HDAC9: variants seen among roughly 807,000 people sequenced by gnomAD.
HDAC9 encodes the protein histone deacetylase 9, also known as MEF-2 interacting transcription repressor (MITR) protein.
In HDAC9, 41 loss-of-function variants were observed where a neutral mutation model predicts 139.4. The observed-to-expected ratio is 0.29, with a 90% CI of 0.23 to 0.38. HDAC9 has a LOEUF of 0.38. Among genes scored for constraint, HDAC9 ranks in the 10% least tolerant of loss-of-function variants. The pLI is 1.00. For synonymous variants in HDAC9, 517 were observed against 476.2 expected (o/e 1.09, Z -1.12); for missense variants, 1,147 against 1,297.0 (o/e 0.88, Z 1.78).
At chr7:18,882,127 A>AT (rs1799785206) in intron 22 of HDAC9, among the ~76,000 whole-genome samples, 1 of 152,060 alleles carries the variant, frequency 6.6e-6, no homozygotes, top group Non-Finnish European at 1.5e-5. Context: ...AGAATCCATG[A>AT]TTTTTTTAAA....
chr7:18,970,800 G>A (rs766973714), intron 24 of HDAC9, among the ~76,000 whole-genome samples: 3 of 125,166 alleles, frequency 2.4e-5, no homozygotes, highest in Non-Finnish European at 5.1e-5. Context: ...TCATTCAAAT[G>A]GAAAAAAGGT....
At chr7:18,956,873 C>T (rs970480091) in intron 24 of HDAC9, among the ~76,000 whole-genome samples, 2 of 152,072 alleles carry the variant, frequency 1.3e-5, no homozygotes, top group Non-Finnish European at 2.9e-5. Flanking sequence ...TCACATAGGT[C>T]CTACACATAG....
At chr7:18,347,106 G>A (rs1251804756) in intron 1 of HDAC9, among the ~76,000 whole-genome samples, 2 of 152,066 alleles carry the variant, frequency 1.3e-5, no homozygotes, top group Admixed American at 6.6e-5. Context: ...ACTCTTTTTA[G>A]AACACAATAC....
At chr7:18,963,445 C>T (rs1053744203) in intron 24 of HDAC9, among the ~76,000 whole-genome samples, 1 of 152,084 alleles carries the variant, frequency 6.6e-6, no homozygotes, top group Admixed American at 6.6e-5. Flanking sequence ...TACATAAATA[C>T]ATACATATTT....
At chr7:18,769,338 G>A (rs923089619) in intron 16 of HDAC9, among the ~76,000 whole-genome samples, 7 of 152,136 alleles carry the variant, frequency 4.6e-5, no homozygotes, top group African/African-American at 1.7e-4. Context: ...CTCTGGACCA[G>A]TATATCAAAC....
At chr7:18,511,250 T>G (rs561477866) in intron 2 of HDAC9, among the ~76,000 whole-genome samples, 1 of 152,340 alleles carries the variant, frequency 6.6e-6, no homozygotes, top group East Asian at 1.9e-4. Context: ...ATACCCGTAG[T>G]ACCCCTAGTC....
At chr7:18,087,355 C>T (rs1220653019) in intron 1 of HDAC9, 41 of 152,160 alleles carry the variant, frequency 2.7e-4, no homozygotes, top group Admixed American at 2.6e-3. Flanking sequence ...ACTCTGATGC[C>T]ACTTGCCTTG....
chr7:18,745,885 T>TC (rs201044923), intron 13 of HDAC9, among the ~76,000 whole-genome samples: 9,699 of 108,326 alleles, frequency 0.09, 362 homozygotes, highest in East Asian at 0.27. Context: ...TTCTTCTTCT[T>TC]TTTTTTTTTT....
At chr7:18,971,443 T>G (rs968157776) in intron 24 of HDAC9, among the ~76,000 whole-genome samples, 5 of 152,224 alleles carry the variant, frequency 3.3e-5, no homozygotes, top group African/African-American at 1.2e-4. Flanking sequence ...AGTCAACCTT[T>G]GTTCATTTCT....
At chr7:18,327,803 G>T (rs1229162411) in intron 1 of HDAC9, 1 of 151,758 alleles carries the variant, frequency 6.6e-6, no homozygotes, top group Non-Finnish European at 1.5e-5. Flanking sequence ...CAAACTTCCT[G>T]ATTTTAATTA....
At chr7:18,284,668 C>T (rs539376356) in intron 2 of HDAC9, among the ~76,000 whole-genome samples, 27 of 152,124 alleles carry the variant, frequency 1.8e-4, no homozygotes, top group African/African-American at 6.5e-4. Context: ...AAATTAGTCT[C>T]CCCATGTGTA....
chr7:18,735,362 G>C (rs762393118), intron 13 of HDAC9, among the ~76,000 whole-genome samples: 1 of 152,134 alleles, frequency 6.6e-6, no homozygotes, highest in Non-Finnish European at 1.5e-5. Flanking sequence ...GGTTTTTATG[G>C]TTTTAGGTCT....
chr7:18,297,160 C>T (rs1369226268), intron 1 of HDAC9, among the ~76,000 whole-genome samples: 1 of 152,120 alleles, frequency 6.6e-6, no homozygotes, highest in Non-Finnish European at 1.5e-5. Flanking sequence ...GGACAAAAAG[C>T]TTAGGGAATG....
At chr7:18,770,608 C>G (rs773482926) in intron 16 of HDAC9, among the ~76,000 whole-genome samples, 1 of 152,158 alleles carries the variant, frequency 6.6e-6, no homozygotes, top group Admixed American at 6.6e-5. Flanking sequence ...CTCCCAGCTT[C>G]AAACGCTTCT....
chr7:18,818,740 T>C (rs1449143125), intron 17 of HDAC9, among the ~76,000 whole-genome samples: 1 of 152,172 alleles, frequency 6.6e-6, no homozygotes, highest in Non-Finnish European at 1.5e-5. Context: ...CAGTGGAGAT[T>C]TGACCCTTAT....
chr7:18,633,472 A>T (rs1782930417), intron 7 of HDAC9, among the ~76,000 whole-genome samples: 3 of 152,012 alleles, frequency 2.0e-5, no homozygotes, highest in Non-Finnish European at 2.9e-5. Flanking sequence ...TCCTTTTAGG[A>T]TTTTTTTAAG....
At chr7:18,365,407 T>G (rs1784102954) in intron 1 of HDAC9, among the ~76,000 whole-genome samples, 1 of 152,108 alleles carries the variant, frequency 6.6e-6, no homozygotes, top group African/African-American at 2.4e-5. Context: ...GGAGACATAG[T>G]AGTGTATGCT....
At chr7:18,726,797 G>A (rs2129128298) in intron 12 of HDAC9, among the ~76,000 whole-genome samples, 1 of 151,818 alleles carries the variant, frequency 6.6e-6, no homozygotes, top group Middle Eastern at 3.4e-3. Flanking sequence ...AGCTCGCTGT[G>A]TAGCATTGAT....
chr7:18,921,146 G>A (rs1399005755), intron 22 of HDAC9, among the ~76,000 whole-genome samples: 2 of 152,058 alleles, frequency 1.3e-5, no homozygotes, highest in Non-Finnish European at 2.9e-5. Context: ...GAAAACCTAG[G>A]CAATACCATT....
Sources: allele counts gnomAD v4.1 joint callset (sites outside exome capture counted in the v4.1 genomes callset), GRCh38; gene constraint gnomAD v4.1.1; transcripts MANE v1.5; gene names NCBI Gene and HGNC (gene_info 2026-07-23, HGNC 2026-07-21).